The following FMN1 variants were observed in gnomAD, a reference collection of about 807,000 sequenced individuals.
The protein encoded by FMN1 is formin 1.
In FMN1, 110 loss-of-function variants were observed where a neutral mutation model predicts 132.4. The observed-to-expected ratio is 0.83, with a 90% CI of 0.71 to 0.97. The LOEUF (loss-of-function observed/expected upper bound fraction) is 0.97, where lower values mean the gene tolerates loss of function less well. Among genes scored for constraint, FMN1 ranks in the 50% least tolerant of loss-of-function variants. The pLI, the probability that FMN1 is intolerant of heterozygous loss-of-function variation, is 0.00. For missense variants in FMN1, 1,792 were observed against 1,705.3 expected, an observed-to-expected ratio of 1.05 and a Z score of -0.90; for synonymous variants, 722 against 651.7, an observed-to-expected ratio of 1.11 and a Z score of -1.64.
rs888479835 is a variant in FMN1, at chr15:32,935,412, G to A, written c.3139-9151C>T. 3.5e-4 allele frequency among the ~76,000 whole-genome samples: 53 copies of A among 151,926 alleles called. 4 individuals are homozygous for A. Among genetic ancestry groups the A allele is most frequent in the Non-Finnish European group, 4.4e-5 (3 of 67,998 alleles). ...ATTCTCTTTTTTGTCTTTAACTTTT[G>A]ACAGTTTGATTATAATGTGCTCAGT... On this transcript the variant is annotated intron_variant, in intron 9 of 20. Transcript: ENST00000616417.
chr15:32,803,074 T>TGGCAC (rs1222983262), intron 18 of FMN1, among the ~76,000 whole-genome samples: 1 of 152,210 alleles, frequency 6.6e-6, no homozygotes, highest in Non-Finnish European at 1.5e-5. Flanking sequence ...GCAGGGCAGA[T>TGGCAC]GGCACCGTCT....
chr15:33,097,459 A>G (rs2039132199), intron 4 of FMN1, among the ~76,000 whole-genome samples: 1 of 152,168 alleles, frequency 6.6e-6, no homozygotes, highest in Non-Finnish European at 1.5e-5. Context: ...TACAAAGAAA[A>G]CTACAATAAA....
At chr15:33,042,045 CCAATGCT>C (rs2036465131) in intron 6 of FMN1, among the ~76,000 whole-genome samples, 2 of 151,724 alleles carry the variant, frequency 1.3e-5, no homozygotes, top group Non-Finnish European at 2.9e-5. Context: ...TAAAAAAAAT[CCAATGCT>C]CTCCATTGAA....
intron 17 of FMN1, among the ~76,000 whole-genome samples, chr15:32,804,712 C>T (rs558426362): frequency 6.7e-6 from 1 of 148,296 alleles, no homozygotes; most frequent in African/African-American, 2.5e-5. Flanking sequence ...ACCCTGTGTC[C>T]ATCTGTTCTC....
At chr15:33,112,673 T>C (rs1432987244) in intron 4 of FMN1, among the ~76,000 whole-genome samples, 2 of 152,136 alleles carry the variant, frequency 1.3e-5, no homozygotes, top group African/African-American at 4.8e-5. Flanking sequence ...GTACATCTGG[T>C]GTATTTTTTC....
chr15:32,776,757 T>C, intron 20 of FMN1, 78 bp downstream of exon 20: 1 of 780,104 alleles, frequency 1.3e-6, no homozygotes, highest in Non-Finnish European at 2.2e-6. Context: ...CTATGTTTCA[T>C]CTCTGAGCTT....
intron 4 of FMN1, among the ~76,000 whole-genome samples, chr15:33,099,941 C>T (rs1445176205): frequency 1.3e-5 from 2 of 152,084 alleles, no homozygotes; most frequent in African/African-American, 4.8e-5. Flanking sequence ...GAGACTGGCC[C>T]TTTTTACTAT....
chr15:33,108,464 G>A (rs1370959246), intron 4 of FMN1, among the ~76,000 whole-genome samples: 1 of 151,786 alleles, frequency 6.6e-6, no homozygotes, highest in East Asian at 1.9e-4. Context: ...TGCCCTCCAA[G>A]AAAAAACAGC....
intron 16 of FMN1, among the ~76,000 whole-genome samples, chr15:32,880,426 C>T (rs567682): frequency 0.29 from 43,678 of 151,940 alleles, 6,888 homozygotes; most frequent in African/African-American, 0.42. Flanking sequence ...TCCTTAAGAA[C>T]CTTCTCCATG....
At chr15:32,829,655 G>T (rs1303240116) in intron 17 of FMN1, among the ~76,000 whole-genome samples, 2 of 152,156 alleles carry the variant, frequency 1.3e-5, no homozygotes, top group African/African-American at 4.8e-5. Flanking sequence ...TTTGGTGTTG[G>T]TATGGACTGG....
intron 6 of FMN1, among the ~76,000 whole-genome samples, chr15:33,062,498 TG>T (rs1363107246): frequency 6.6e-6 from 1 of 152,052 alleles, no homozygotes; most frequent in African/African-American, 2.4e-5. Flanking sequence ...GGCGGGCGCC[TG>T]TAGTCCCAGC....
At chr15:32,962,150 C>T (rs1046598249) in intron 9 of FMN1, among the ~76,000 whole-genome samples, 1 of 151,326 alleles carries the variant, frequency 6.6e-6, no homozygotes, top group African/African-American at 2.4e-5. Flanking sequence ...ATTTTTTGCC[C>T]TCAACACATA....
chr15:32,868,089 T>C (rs775195793), intron 16 of FMN1, among the ~76,000 whole-genome samples: 2 of 152,240 alleles, frequency 1.3e-5, no homozygotes, highest in African/African-American at 2.4e-5. Context: ...TGTACACTCA[T>C]GTACCTCAGA....
rs1000435088 is a variant in FMN1 at position 33,154,924 on chromosome 15, C to A, written c.-10G>T. ...AATGAGTGCCTTCCATTATGCCTAC[C>A]TAATTATTCATGCCTTGGAGATGCC... On this transcript the variant is annotated 5_prime_UTR_variant, in exon 4 of 21. It adds an upstream start codon to the 5' untranslated region. Coordinates refer to ENST00000616417, the MANE Select transcript of FMN1 (RefSeq NM_001277313.2). The A allele has an allele frequency of 1.8e-5, 27 of 1,519,592 alleles. No individual in the cohort carries two copies. The African/African-American group carries it at 3.0e-4, about 17-fold the overall frequency. 94.1% of individuals were successfully genotyped at this position (1,519,592 alleles called of 1,614,324 possible). A position where few individuals can be genotyped will look rare whatever the true frequency, so the allele number is the denominator to read the frequency against.
At chr15:32,917,370 C>T (rs1300544194) in intron 10 of FMN1, among the ~76,000 whole-genome samples, 2 of 152,206 alleles carry the variant, frequency 1.3e-5, no homozygotes, top group Non-Finnish European at 2.9e-5. Context: ...ATGCACAAAT[C>T]CTCACTCTAT....
intron 6 of FMN1, among the ~76,000 whole-genome samples, chr15:33,015,405 T>G (rs578236209): frequency 1.2e-4 from 18 of 152,324 alleles, no homozygotes; most frequent in African/African-American, 4.1e-4. Flanking sequence ...GTGATTATGA[T>G]TCGTCTGTCT....
chr15:32,856,355 G>T (rs1031989138), intron 17 of FMN1, among the ~76,000 whole-genome samples: 9 of 152,138 alleles, frequency 5.9e-5, no homozygotes, highest in African/African-American at 1.9e-4. Context: ...TTATCTAAAA[G>T]ACATGATACT....
chr15:32,999,760 G>C (rs1402193212), intron 7 of FMN1, among the ~76,000 whole-genome samples: 2 of 152,196 alleles, frequency 1.3e-5, no homozygotes, highest in Admixed American at 6.5e-5. Context: ...ACAACAATCT[G>C]TCGTTTCCAA....
intron 10 of FMN1, among the ~76,000 whole-genome samples, chr15:32,913,302 C>A (rs1190141328): frequency 6.6e-6 from 1 of 152,148 alleles, no homozygotes; most frequent in African/African-American, 2.4e-5. Context: ...TCTCATCAAT[C>A]CATCCTTCAT....
Sources: gnomAD v4.1 joint callset for allele counts (sites outside exome capture counted in the v4.1 genomes callset) on GRCh38, gnomAD v4.1.1 for gene constraint, MANE v1.5 for transcripts, NCBI Gene and HGNC (gene_info 2026-07-23, HGNC 2026-07-21) for gene names.